The following ABHD12 variants were observed in gnomAD, a reference collection of about 807,000 sequenced individuals.
ABHD12 encodes abhydrolase domain containing 12, lysophospholipase.
Under a neutral mutation model 58.3 loss-of-function variants are expected in ABHD12, and 43 were observed. The observed-to-expected ratio is 0.74, with a 90% CI of 0.58 to 0.95. The LOEUF (loss-of-function observed/expected upper bound fraction) is 0.95, where lower values mean the gene tolerates loss of function less well. ABHD12 is among the 40% of genes least tolerant of loss of function. ABHD12 has a pLI of 0.00. For missense variants in ABHD12, 539 were observed against 537.2 expected (o/e 1.00, Z -0.03); for synonymous variants, 219 against 211.2 (o/e 1.04, Z -0.32).
chr20:25,336,352 T>C (rs1307880162), intron 2 of ABHD12, among the ~76,000 whole-genome samples: 1 of 152,200 alleles, frequency 6.6e-6, no homozygotes, highest in Non-Finnish European at 1.5e-5. Context: ...AATCATGATG[T>C]TTTGCTTATG....
chr20:25,360,824 G>C (rs995902001), intron 1 of ABHD12, among the ~76,000 whole-genome samples: 1 of 152,134 alleles, frequency 6.6e-6, no homozygotes, highest in Non-Finnish European at 1.5e-5. Flanking sequence ...AGGATCAGGC[G>C]GACAACTGGA....
intron 5 of ABHD12, among the ~76,000 whole-genome samples, chr20:25,316,707 G>T (rs1019623572): frequency 2.0e-5 from 3 of 152,178 alleles, no homozygotes; most frequent in Admixed American, 6.5e-5. Context: ...GGGAGGCCAA[G>T]GTGGGAGGCC....
At position 25,370,240 on chromosome 20, in the gene ABHD12, G is replaced by C. The variant is rs549719287; in HGVS notation, c.191+20273C>G. On this transcript the variant is annotated intron_variant, in intron 1 of 12. Transcript: ENST00000339157. ...TTACTGGGGTACACAGGTCTCCCTG[G>C]AGGTCTTGCTTCCCTACTCCCTCAG... Among the ~76,000 whole-genome samples, 4 of 152,182 alleles carry C rather than the reference G, an allele frequency of 2.6e-5. No homozygotes were observed. In the South Asian group the frequency reaches 8.3e-4, roughly 32 times the overall value.
intron 1 of ABHD12, among the ~76,000 whole-genome samples, chr20:25,347,478 C>T (rs561628399): frequency 1.4e-4 from 21 of 152,016 alleles, no homozygotes; most frequent in East Asian, 9.7e-4. Context: ...GAGTATAGTT[C>T]CCATAATAAA....
chr20:25,329,527 C>T lies in ABHD12; in HGVS notation c.317-6097G>A, dbSNP rs559998431. Among the ~76,000 whole-genome samples the T allele has an allele frequency of 2.0e-5, 3 of 152,230 alleles. No homozygotes were observed. In the South Asian group the frequency reaches 6.2e-4, roughly 31 times the overall value. ...GGCAGGATGGAGAATGGATCCTGCA[C>T]ACATGGGTGCCGTGGAGGGTGAAGA... is the stretch of plus-strand genomic sequence containing the variant. On this transcript the variant is annotated intron_variant, in intron 2 of 12. Coordinates refer to ENST00000339157, the MANE Select transcript of ABHD12 (RefSeq NM_001042472.3).
intron 1 of ABHD12, among the ~76,000 whole-genome samples, chr20:25,387,973 G>T (rs1168575827): frequency 6.6e-6 from 1 of 150,832 alleles, no homozygotes; most frequent in Non-Finnish European, 1.5e-5. Flanking sequence ...CCTGGGAGGT[G>T]GAGGTTGCAG....
At position 25,368,729 on chromosome 20, in the gene ABHD12, C is replaced by T. The variant is rs2089858867; in HGVS notation, c.191+21784G>A. The T allele has an allele frequency of 5.0e-6, 6 of 1,190,336 alleles. No individual in the cohort carries two copies. In the Admixed American group the frequency reaches 1.0e-4, roughly 20 times the overall value. The allele number at this position is 1,190,336 out of a possible 1,614,324, so 73.7% of individuals were successfully genotyped here. A position where few individuals can be genotyped will look rare whatever the true frequency, so the allele number is the denominator to read the frequency against. On this transcript the variant is annotated intron_variant, in intron 1 of 12. Coordinates refer to ENST00000339157, the MANE Select transcript of ABHD12 (RefSeq NM_001042472.3). ...AAGGAGACGCGGCCCAAGGGCTTGC[C>T]TTCGTCAGCAATGTTGAAGAACAGT...
intron 1 of ABHD12, among the ~76,000 whole-genome samples, chr20:25,368,063 T>C (rs914546111): frequency 6.6e-6 from 1 of 152,250 alleles, no homozygotes; most frequent in Admixed American, 6.5e-5. Flanking sequence ...ACATTTACTA[T>C]TTTTTGTTAT....
intron 1 of ABHD12, among the ~76,000 whole-genome samples, chr20:25,363,602 C>T (rs1391587918): frequency 6.6e-6 from 1 of 152,236 alleles, no homozygotes; most frequent in Middle Eastern, 3.4e-3. Flanking sequence ...CACGGTGGCT[C>T]ATTCCTGTAA....
At chr20:25,384,419 G>A (rs2090061880) in intron 1 of ABHD12, among the ~76,000 whole-genome samples, 1 of 148,960 alleles carries the variant, frequency 6.7e-6, no homozygotes, top group Admixed American at 6.7e-5. Context: ...ACACACACAA[G>A]CACACACACT....
At chr20:25,382,146 A>G (rs1168774923) in intron 1 of ABHD12, among the ~76,000 whole-genome samples, 1 of 152,216 alleles carries the variant, frequency 6.6e-6, no homozygotes, top group African/African-American at 2.4e-5. Context: ...AACTCACCCA[A>G]GCCAGAGAAT....
intron 11 of ABHD12, chr20:25,303,224 G>T: frequency 8.2e-7 from 1 of 1,216,948 alleles, no homozygotes; most frequent in Non-Finnish European, 1.0e-6. Flanking sequence ...TCCCAGGTTG[G>T]CCTGGGCTCT....
At chr20:25,296,406 A>G (rs2088545889), downstream of ABHD12, 3 of 1,614,092 alleles carry the variant, frequency 1.9e-6, no homozygotes, top group East Asian at 2.2e-5. Context: ...CATCAGGAAC[A>G]TCGCCTGCTC....
chr20:25,387,656 C>T (rs1191245213), intron 1 of ABHD12, among the ~76,000 whole-genome samples: 1 of 148,806 alleles, frequency 6.7e-6, no homozygotes, highest in Non-Finnish European at 1.5e-5. Flanking sequence ...GGGAGGATCG[C>T]CTGAGCCCAG....
At chr20:25,374,313 T>C (rs2089935799) in intron 1 of ABHD12, among the ~76,000 whole-genome samples, 1 of 151,976 alleles carries the variant, frequency 6.6e-6, no homozygotes, top group South Asian at 2.1e-4. Flanking sequence ...AGGTTTCATG[T>C]TGAATAGTTG....
intron 2 of ABHD12, among the ~76,000 whole-genome samples, chr20:25,335,461 A>C (rs1254078494): frequency 6.8e-6 from 1 of 147,046 alleles, no homozygotes; most frequent in African/African-American, 2.5e-5. Flanking sequence ...TACTGGGTAT[A>C]TACCCAAAGG....
At chr20:25,357,595 G>C (rs552987185) in intron 1 of ABHD12, among the ~76,000 whole-genome samples, 1 of 152,254 alleles carries the variant, frequency 6.6e-6, no homozygotes, top group Middle Eastern at 3.4e-3. Flanking sequence ...ATGTTCAAGG[G>C]AAAGTAAGAA....
chr20:25,322,665 G>A (rs1281129678), intron 3 of ABHD12, among the ~76,000 whole-genome samples: 3 of 151,688 alleles, frequency 2.0e-5, no homozygotes, highest in South Asian at 2.1e-4. Flanking sequence ...GATTACAGGC[G>A]TGAGCCACCG....
At chr20:25,308,983 A>G (rs1289042506) in intron 7 of ABHD12, among the ~76,000 whole-genome samples, 2 of 152,160 alleles carry the variant, frequency 1.3e-5, no homozygotes, top group African/African-American at 4.8e-5. Context: ...CCGAAGGGAA[A>G]GGCAGCAGAA....
Sources: allele counts gnomAD v4.1 joint callset (sites outside exome capture counted in the v4.1 genomes callset), GRCh38; gene constraint gnomAD v4.1.1; transcripts MANE v1.5; gene names NCBI Gene and HGNC (gene_info 2026-07-23, HGNC 2026-07-21).